The following PRIM2 variants were observed in gnomAD, a reference collection of about 807,000 sequenced individuals.
PRIM2 encodes DNA primase subunit 2, also known as DNA primase large subunit.
A neutral mutation model predicts 67.3 loss-of-function variants in PRIM2; 39 were observed. That is an observed-to-expected ratio of 0.58 (90% CI 0.45 to 0.76). PRIM2 has a LOEUF of 0.76. PRIM2 is among the 30% of genes least tolerant of loss of function. The probability of loss-of-function intolerance (pLI) is 0.00; values close to 1 mark genes in which losing one functional copy is unlikely to be tolerated. For synonymous variants in PRIM2, 143 were observed against 198.7 expected, an observed-to-expected ratio of 0.72 and a Z score of 2.36; for missense variants, 398 against 598.7, an observed-to-expected ratio of 0.66 and a Z score of 3.50.
chr6:57,228,293 TC>T, the PRIM2 span, among the ~76,000 whole-genome samples: 1 of 152,222 alleles, frequency 6.6e-6, no homozygotes, highest in Non-Finnish European at 1.5e-5. Context: ...TCCATGTGCA[TC>T]AGGTATGACT....
At chr6:57,276,397 T>A in the PRIM2 span, among the ~76,000 whole-genome samples, 1 of 150,360 alleles carries the variant, frequency 6.7e-6, no homozygotes, top group Non-Finnish European at 1.5e-5. Flanking sequence ...TCAAATAAAA[T>A]AAAATAAACC....
intron 7 of PRIM2, among the ~76,000 whole-genome samples, chr6:57,423,613 C>A (rs1266261116): frequency 6.6e-6 from 1 of 152,088 alleles, no homozygotes; most frequent in South Asian, 2.1e-4. Flanking sequence ...TGTTAAAGAT[C>A]GGAGACTAAG....
At chr6:57,532,224 AT>A (rs1349983530) in intron 8 of PRIM2, among the ~76,000 whole-genome samples, 186 bp from the exon 9 acceptor site, 3 of 152,192 alleles carry the variant, frequency 2.0e-5, no homozygotes, top group Non-Finnish European at 4.4e-5. Flanking sequence ...TTTTTCTATT[AT>A]TTTGGGGTAA....
At chr6:57,573,629 C>T (rs1292940330) in intron 10 of PRIM2, among the ~76,000 whole-genome samples, 3 of 151,814 alleles carry the variant, frequency 2.0e-5, no homozygotes, top group Non-Finnish European at 4.4e-5. Context: ...ATTATATATA[C>T]GTGTGTGTGT....
intron 7 of PRIM2, among the ~76,000 whole-genome samples, chr6:57,446,250 C>A (rs1415254995): frequency 6.6e-6 from 1 of 151,096 alleles, no homozygotes; most frequent in Non-Finnish European, 1.5e-5. Flanking sequence ...TTGTCTTAAG[C>A]CTTTTCCTAC....
At chr6:57,626,463 C>T (rs1446356286) in intron 12 of PRIM2, among the ~76,000 whole-genome samples, 1 of 151,902 alleles carries the variant, frequency 6.6e-6, no homozygotes, top group Non-Finnish European at 1.5e-5. Context: ...GCTTTTTGCT[C>T]CTCAACTGCA....
At chr6:57,502,922 A>G (rs1774170016) in intron 7 of PRIM2, among the ~76,000 whole-genome samples, 2 of 152,200 alleles carry the variant, frequency 1.3e-5, no homozygotes, top group African/African-American at 4.8e-5. Flanking sequence ...GGTCTTGGAT[A>G]TTCCATTTAG....
chr6:57,252,985 A>G, the PRIM2 span, among the ~76,000 whole-genome samples: 2 of 152,230 alleles, frequency 1.3e-5, no homozygotes. Context: ...AATAAAGACA[A>G]CATTGAAAGA....
At chr6:57,503,906 A>G (rs1485658461) in intron 7 of PRIM2, among the ~76,000 whole-genome samples, 2 of 152,228 alleles carry the variant, frequency 1.3e-5, no homozygotes, top group Non-Finnish European at 2.9e-5. Flanking sequence ...GTGATATTTG[A>G]GCCAAATCCC....
intron 3 of PRIM2, among the ~76,000 whole-genome samples, chr6:57,323,439 G>A (rs1428981595): frequency 1.3e-5 from 2 of 152,074 alleles, no homozygotes; most frequent in African/African-American, 4.8e-5. Flanking sequence ...AAAGAGAGGG[G>A]TTGGTGGGAA....
chr6:57,492,409 G>C (rs1773916425), intron 7 of PRIM2, among the ~76,000 whole-genome samples: 1 of 151,952 alleles, frequency 6.6e-6, no homozygotes, highest in African/African-American at 2.4e-5. Flanking sequence ...AGGGCATGGT[G>C]GTGGGTACCT....
chr6:57,617,532 GC>G (rs1163771148), intron 12 of PRIM2, among the ~76,000 whole-genome samples: 2 of 152,102 alleles, frequency 1.3e-5, no homozygotes, highest in African/African-American at 4.8e-5. Context: ...CTTTTTATAT[GC>G]TTTTTGGCCA....
intron 6 of PRIM2, 36 bp downstream of exon 6, chr6:57,380,032 T>A (rs5011402): frequency 1.6e-5 from 24 of 1,508,714 alleles, no homozygotes; most frequent in Admixed American, 1.3e-4. Context: ...TAGGTTTTGT[T>A]AAATATGTCG....
At chr6:57,307,466 C>A in the PRIM2 span, among the ~76,000 whole-genome samples, 1 of 151,944 alleles carries the variant, frequency 6.6e-6, no homozygotes, top group African/African-American at 2.4e-5. Flanking sequence ...TGGTCTCGAT[C>A]TGACCTCATG....
intron 4 of PRIM2, among the ~76,000 whole-genome samples, chr6:57,324,730 GCC>G (rs1160568262): frequency 6.6e-6 from 1 of 152,124 alleles, no homozygotes; most frequent in Non-Finnish European, 1.5e-5. Flanking sequence ...AGTTAATAGT[GCC>G]ACCCAGAGGT....
chr6:57,267,666 TG>T, the PRIM2 span, among the ~76,000 whole-genome samples: 2 of 151,574 alleles, frequency 1.3e-5, no homozygotes, highest in Non-Finnish European at 2.9e-5. Context: ...TCCAGCACTT[TG>T]GGAGGCGGAG....
the PRIM2 span, among the ~76,000 whole-genome samples, chr6:57,239,012 A>G: frequency 4.0e-5 from 6 of 150,886 alleles, no homozygotes; most frequent in Admixed American, 3.3e-4. Flanking sequence ...TTATTTTGAG[A>G]CAAGGTCTCA....
At chr6:57,390,130 C>T (rs1770282669) in intron 7 of PRIM2, 1 of 154,810 alleles carries the variant, frequency 6.5e-6, no homozygotes, top group Non-Finnish European at 1.5e-5. Flanking sequence ...AGCCATGAGA[C>T]TATTAGGATG....
intron 7 of PRIM2, among the ~76,000 whole-genome samples, chr6:57,389,629 C>CT (rs1034658597): frequency 3.7e-4 from 57 of 152,220 alleles, no homozygotes; most frequent in Non-Finnish European, 7.2e-4. Context: ...AAAGGATTTC[C>CT]TTTTTCACAT....
Sources: allele counts gnomAD v4.1 joint callset (sites outside exome capture counted in the v4.1 genomes callset), GRCh38; gene constraint gnomAD v4.1.1; transcripts MANE v1.5; gene names NCBI Gene and HGNC (gene_info 2026-07-23, HGNC 2026-07-21).